Variants in CSNK1G1 observed in about 807,000 individuals in gnomAD.
CSNK1G1 encodes casein kinase 1 gamma 1.
CSNK1G1 carries 22 observed loss-of-function variants against 59.6 expected under a neutral mutation model. The ratio of observed to expected loss-of-function variants is 0.37; its 90% CI spans 0.26 to 0.53. The LOEUF (loss-of-function observed/expected upper bound fraction) is 0.53, where lower values mean the gene tolerates loss of function less well. Ranked by LOEUF, CSNK1G1 falls within the 20% of genes least tolerant of loss-of-function variation. CSNK1G1 has a pLI of 0.89. For missense variants in CSNK1G1, 384 were observed against 519.5 expected (o/e 0.74, Z 2.54); for synonymous variants, 179 against 177.1 (o/e 1.01, Z -0.08).
At position 64,226,375 on chromosome 15, in the gene CSNK1G1, T is replaced by G. The variant is rs146409022; in HGVS notation, c.293-9662A>C. Among the ~76,000 whole-genome samples the G allele has an allele frequency of 7.4e-4, 113 of 152,094 alleles. 6 individuals are homozygous for G. Among genetic ancestry groups the G allele is most frequent in the African/African-American group, 2.7e-3 (110 of 41,490 alleles). On this transcript the variant is annotated intron_variant, in intron 4 of 11. Coordinates refer to ENST00000303052, the MANE Select transcript of CSNK1G1 (RefSeq NM_022048.5). ...GAGATCAAGACCATCTTGGTCAACA[T>G]GGAGAAACCCCGTCTCTACTAAAAT...
At chr15:64,255,500 C>T (rs1178359606) in intron 3 of CSNK1G1, among the ~76,000 whole-genome samples, 1 of 152,204 alleles carries the variant, frequency 6.6e-6, no homozygotes, top group Non-Finnish European at 1.5e-5. Flanking sequence ...AATCTCACTA[C>T]TGAAACTTAA....
intron 1 of CSNK1G1, among the ~76,000 whole-genome samples, chr15:64,318,981 G>T (rs1024035493): frequency 6.6e-6 from 1 of 151,692 alleles, no homozygotes; most frequent in Non-Finnish European, 1.5e-5. Flanking sequence ...CTCCTGAGTA[G>T]CTGGAACTAC....
At chr15:64,192,139 G>T (rs2081980160) in intron 10 of CSNK1G1, among the ~76,000 whole-genome samples, 1 of 152,222 alleles carries the variant, frequency 6.6e-6, no homozygotes, top group Non-Finnish European at 1.5e-5. Context: ...TAGTGGAAGA[G>T]ATCAGCATGT....
intron 4 of CSNK1G1, among the ~76,000 whole-genome samples, chr15:64,229,702 T>C (rs2082516819): frequency 6.6e-6 from 1 of 151,982 alleles, no homozygotes; most frequent in Admixed American, 6.6e-5. Flanking sequence ...ACCAAGGACA[T>C]TATTAGTCCT....
chr15:64,353,409 G>A (rs1898427279), intron 1 of CSNK1G1, among the ~76,000 whole-genome samples: 1 of 152,036 alleles, frequency 6.6e-6, no homozygotes, highest in Admixed American at 6.5e-5. Flanking sequence ...CACTTTGGGA[G>A]GCTGAGGCGG....
chr15:64,255,014 A>G (rs1288227010), intron 3 of CSNK1G1, among the ~76,000 whole-genome samples: 1 of 152,160 alleles, frequency 6.6e-6, no homozygotes, highest in Non-Finnish European at 1.5e-5. Flanking sequence ...GTGGGTATCC[A>G]GTTTTTCTGG....
intron 2 of CSNK1G1, among the ~76,000 whole-genome samples, chr15:64,282,811 C>T (rs568264024): frequency 1.1e-4 from 16 of 152,286 alleles, no homozygotes; most frequent in Admixed American, 8.5e-4. Context: ...CACTTCCCCC[C>T]TAGCCAACAA....
chr15:64,309,044 C>A (rs1449585097), intron 1 of CSNK1G1, among the ~76,000 whole-genome samples: 1 of 152,120 alleles, frequency 6.6e-6, no homozygotes, highest in Non-Finnish European at 1.5e-5. Flanking sequence ...GGGCCCTGGA[C>A]CTGGGTCCTC....
At chr15:64,258,960 C>T (rs1297348427) in intron 3 of CSNK1G1, among the ~76,000 whole-genome samples, 1 of 151,830 alleles carries the variant, frequency 6.6e-6, no homozygotes, top group Non-Finnish European at 1.5e-5. Flanking sequence ...TTTTAATCAA[C>T]TAATTTTTGA....
chr15:64,292,317 A>G (rs1333879655), intron 2 of CSNK1G1, among the ~76,000 whole-genome samples: 2 of 152,160 alleles, frequency 1.3e-5, no homozygotes, highest in Non-Finnish European at 2.9e-5. Flanking sequence ...TACATCAATC[A>G]CAGAAATAAG....
At chr15:64,280,162 G>A (rs1026951008) in intron 2 of CSNK1G1, among the ~76,000 whole-genome samples, 5 of 151,936 alleles carry the variant, frequency 3.3e-5, no homozygotes, top group African/African-American at 7.2e-5. Flanking sequence ...ATATACGCGC[G>A]CACACACACA....
intron 1 of CSNK1G1, among the ~76,000 whole-genome samples, chr15:64,319,937 T>G (rs1029476635): frequency 3.6e-4 from 53 of 147,250 alleles, no homozygotes; most frequent in African/African-American, 1.3e-3. Context: ...TTTTTTTTTT[T>G]TTTTGAGACA....
At chr15:64,258,404 A>C (rs1244672344) in intron 3 of CSNK1G1, among the ~76,000 whole-genome samples, 2 of 151,774 alleles carry the variant, frequency 1.3e-5, no homozygotes, top group Non-Finnish European at 2.9e-5. Context: ...AAATAAAGAA[A>C]GAAAGAAAAA....
chr15:64,218,233 G>C (rs1165273771), intron 4 of CSNK1G1, among the ~76,000 whole-genome samples: 1 of 152,170 alleles, frequency 6.6e-6, no homozygotes, highest in African/African-American at 2.4e-5. Context: ...ATACAGGCAT[G>C]AGCTACTGTG....
intron 6 of CSNK1G1, among the ~76,000 whole-genome samples, chr15:64,209,225 C>G (rs1253139318): frequency 2.0e-5 from 3 of 152,102 alleles, no homozygotes; most frequent in Non-Finnish European, 4.4e-5. Context: ...TTTTCAGAAT[C>G]AAGTTTAGGG....
At chr15:64,322,385 A>G (rs977346272) in intron 1 of CSNK1G1, among the ~76,000 whole-genome samples, 3 of 151,814 alleles carry the variant, frequency 2.0e-5, no homozygotes, top group South Asian at 2.1e-4. Context: ...GTCTTACTAC[A>G]TTGCCCAAGG....
chr15:64,174,103 T>C (rs999246644), intron 11 of CSNK1G1, among the ~76,000 whole-genome samples: 2 of 152,232 alleles, frequency 1.3e-5, no homozygotes, highest in Non-Finnish European at 2.9e-5. Flanking sequence ...TTTTGGAGGA[T>C]GCTAAGATGA....
intron 1 of CSNK1G1, among the ~76,000 whole-genome samples, chr15:64,349,796 C>T (rs764783156): frequency 2.6e-5 from 4 of 151,894 alleles, no homozygotes; most frequent in Admixed American, 6.6e-5. Flanking sequence ...CAAAATGAAC[C>T]TAGCATGGTG....
chr15:64,257,736 C>G (rs1396842169), intron 3 of CSNK1G1, among the ~76,000 whole-genome samples: 2 of 152,100 alleles, frequency 1.3e-5, no homozygotes, highest in Admixed American at 6.5e-5. Flanking sequence ...GTTGCCCAGG[C>G]TGGTCTTGAA....
Sources: allele counts gnomAD v4.1 joint callset (sites outside exome capture counted in the v4.1 genomes callset), GRCh38; gene constraint gnomAD v4.1.1; transcripts MANE v1.5; gene names NCBI Gene and HGNC (gene_info 2026-07-23, HGNC 2026-07-21).